The following SPIDR variants were observed in gnomAD, a reference collection of about 807,000 sequenced individuals.
SPIDR encodes the protein DNA repair-scaffolding protein.
In SPIDR, 93 loss-of-function variants were observed where a neutral mutation model predicts 104.6. The ratio of observed to expected loss-of-function variants is 0.89; its 90% CI spans 0.75 to 1.06. The LOEUF (loss-of-function observed/expected upper bound fraction) is 1.06, where lower values mean the gene tolerates loss of function less well. Ranked by LOEUF, SPIDR falls within the 50% of genes least tolerant of loss-of-function variation. SPIDR has a pLI of 0.00. For missense variants in SPIDR, 1,154 were observed against 1,111.2 expected (o/e 1.04, Z -0.55); for synonymous variants, 431 against 416.9 (o/e 1.03, Z -0.41).
intron 8 of SPIDR, among the ~76,000 whole-genome samples, chr8:47,470,190 G>A (rs906703125): frequency 6.6e-6 from 1 of 152,188 alleles, no homozygotes; most frequent in Admixed American, 6.5e-5. Flanking sequence ...TAGGGTACTA[G>A]TATAAGGAGA....
intron 7 of SPIDR, among the ~76,000 whole-genome samples, chr8:47,437,891 G>A (rs2362918): frequency 0.031 from 4,722 of 152,304 alleles, 207 homozygotes; most frequent in African/African-American, 0.1. Context: ...ATTACTGGAT[G>A]TATACCCAAA....
rs572887608 is a variant in SPIDR, at chr8:47,321,625, C to T, written c.525+27595C>T. ...AGTTCATATGGAACCAAAAAAGAGC[C>T]GGTATTGCCAAGTCAATCCTAAGGT... On this transcript the variant is annotated intron_variant, in intron 5 of 19. Transcript: ENST00000297423. 1.2e-4 allele frequency among the ~76,000 whole-genome samples: 19 copies of T among 152,212 alleles called. 1 individual carries two copies. The South Asian group carries it at 2.7e-3, about 22-fold the overall frequency.
intron 15 of SPIDR, chr8:47,713,241 T>C: frequency 1.7e-6 from 1 of 599,528 alleles, no homozygotes; most frequent in Non-Finnish European, 2.7e-6. Flanking sequence ...TTAATTTTTA[T>C]TGAGTCATAA....
chr8:47,269,877 G>A (rs2034931583), intron 1 of SPIDR, among the ~76,000 whole-genome samples: 1 of 152,078 alleles, frequency 6.6e-6, no homozygotes, highest in Non-Finnish European at 1.5e-5. Flanking sequence ...ATAGTTGTTG[G>A]CCTTTGTCAG....
At chr8:47,385,388 A>G (rs1453090213) in intron 5 of SPIDR, among the ~76,000 whole-genome samples, 1 of 152,250 alleles carries the variant, frequency 6.6e-6, no homozygotes, top group East Asian at 1.9e-4. Context: ...CACTTGATTA[A>G]TGGATGATTC....
intron 8 of SPIDR, chr8:47,592,355 C>G: frequency 8.2e-7 from 1 of 1,218,260 alleles, no homozygotes; most frequent in Non-Finnish European, 1.2e-6. Context: ...CATATTCTTC[C>G]CAACTTGTCT....
chr8:47,681,889 G>A (rs896588101), intron 11 of SPIDR, among the ~76,000 whole-genome samples: 2 of 152,062 alleles, frequency 1.3e-5, no homozygotes, highest in Non-Finnish European at 2.9e-5. Flanking sequence ...TAGAAATACA[G>A]CAACCTGAGC....
chr8:47,567,134 TG>T (rs1352010491), intron 8 of SPIDR, among the ~76,000 whole-genome samples: 1 of 151,950 alleles, frequency 6.6e-6, no homozygotes, highest in Non-Finnish European at 1.5e-5. Flanking sequence ...TAGAGACAGG[TG>T]GGGAGGTCTT....
At chr8:47,344,110 C>G (rs1213332979) in intron 5 of SPIDR, among the ~76,000 whole-genome samples, 2 of 140,768 alleles carry the variant, frequency 1.4e-5, no homozygotes, top group Admixed American at 7.1e-5. Flanking sequence ...GAATGCTATC[C>G]CTACCCCCTC....
At chr8:47,373,240 A>G (rs1390357980) in intron 5 of SPIDR, among the ~76,000 whole-genome samples, 1 of 152,228 alleles carries the variant, frequency 6.6e-6, no homozygotes, top group Non-Finnish European at 1.5e-5. Context: ...AAAATTCCAT[A>G]GACTAATTTC....
chr8:47,474,459 C>T (rs1554722679), intron 8 of SPIDR, among the ~76,000 whole-genome samples: 1 of 152,066 alleles, frequency 6.6e-6, no homozygotes, highest in East Asian at 1.9e-4. Context: ...TTATTCTAGC[C>T]CCAGTCACAA....
intron 8 of SPIDR, among the ~76,000 whole-genome samples, chr8:47,488,404 G>C (rs1441159967): frequency 6.6e-6 from 1 of 152,198 alleles, no homozygotes; most frequent in African/African-American, 2.4e-5. Context: ...AGGATTCACA[G>C]CTGAATTCTA....
chr8:47,420,061 T>C (rs2154333336), intron 7 of SPIDR, among the ~76,000 whole-genome samples: 1 of 152,250 alleles, frequency 6.6e-6, no homozygotes, highest in East Asian at 1.9e-4. Context: ...GGAATAGGTG[T>C]GGTGTGGTGC....
chr8:47,681,856 C>T (rs1483778755), intron 11 of SPIDR, among the ~76,000 whole-genome samples: 2 of 152,062 alleles, frequency 1.3e-5, no homozygotes, highest in African/African-American at 4.8e-5. Context: ...CTTATTTTCT[C>T]ATTAGAATAA....
chr8:47,673,734 G>T, intron 10 of SPIDR, 67 bp from the exon 11 acceptor site: 1 of 1,606,402 alleles, frequency 6.2e-7, no homozygotes, highest in Non-Finnish European at 8.5e-7. Context: ...TGAAGAAGAG[G>T]GAAATCTTGA....
chr8:47,386,523 G>A (rs1422081592), intron 5 of SPIDR, among the ~76,000 whole-genome samples: 2 of 152,146 alleles, frequency 1.3e-5, no homozygotes, highest in Admixed American at 6.5e-5. Context: ...TTGGAAGAGT[G>A]GAGTCAGGAG....
chr8:47,261,692 C>T (rs138650855), intron 1 of SPIDR, among the ~76,000 whole-genome samples: 90 of 152,296 alleles, frequency 5.9e-4, no homozygotes, highest in African/African-American at 2.1e-3. Context: ...TGACTCTTGC[C>T]TTTACTTGAA....
intron 5 of SPIDR, among the ~76,000 whole-genome samples, chr8:47,310,513 TAGG>T (rs2043952996): frequency 6.6e-6 from 1 of 151,956 alleles, no homozygotes; most frequent in South Asian, 2.1e-4. Flanking sequence ...GAAAGCACAG[TAGG>T]AGGACAGAAA....
chr8:47,607,220 G>A (rs2063071725), intron 10 of SPIDR, among the ~76,000 whole-genome samples: 1 of 151,670 alleles, frequency 6.6e-6, no homozygotes, highest in Non-Finnish European at 1.5e-5. Context: ...CATTTTTTTT[G>A]CATGTCCTTG....
Sources: allele counts gnomAD v4.1 joint callset (sites outside exome capture counted in the v4.1 genomes callset), GRCh38; gene constraint gnomAD v4.1.1; transcripts MANE v1.5; gene names NCBI Gene and HGNC (gene_info 2026-07-23, HGNC 2026-07-21).